ZFYVE28: variants seen among roughly 807,000 people sequenced by gnomAD.
The protein encoded by ZFYVE28 is zinc finger FYVE-type containing 28, also known as lateral signaling target protein 2 homolog.
Under a neutral mutation model 82.1 loss-of-function variants are expected in ZFYVE28, and 40 were observed. That is an observed-to-expected ratio of 0.49 (90% CI 0.38 to 0.63). The LOEUF (loss-of-function observed/expected upper bound fraction) is 0.63. ZFYVE28 is among the 30% of genes least tolerant of loss of function. ZFYVE28 has a pLI of 0.00. For missense variants in ZFYVE28, 1,321 were observed against 1,242.1 expected (o/e 1.06, Z -0.96); for synonymous variants, 612 against 546.1 (o/e 1.12, Z -1.68).
chr4:2,312,594 G>T (rs1717621080), intron 7 of ZFYVE28, among the ~76,000 whole-genome samples: 1 of 151,888 alleles, frequency 6.6e-6, no homozygotes, highest in Non-Finnish European at 1.5e-5. Context: ...CGGGTGTGGT[G>T]GCGGGCGCCT....
rs79428911 is a variant in ZFYVE28 at position 2,313,064 on chromosome 4, A to T, written c.803+7106T>A. On this transcript the variant is annotated intron_variant, in intron 7 of 12. Coordinates refer to ENST00000290974, the MANE Select transcript of ZFYVE28 (RefSeq NM_020972.3). The stretch of plus-strand genomic sequence containing the variant: ...CTGTCTCAAATAAATAAATAAATAG[A>T]AGTGTTTTGCCTAATTTATCATGTA... 2.6e-3 allele frequency among the ~76,000 whole-genome samples: 401 copies of T among 151,468 alleles called. 18 individuals carry two copies. In the East Asian group the frequency reaches 0.062, roughly 23 times the overall value.
intron 3 of ZFYVE28, among the ~76,000 whole-genome samples, chr4:2,340,283 A>G (rs1722585201): frequency 6.6e-6 from 1 of 152,028 alleles, no homozygotes; most frequent in South Asian, 2.1e-4. Flanking sequence ...GCACCCACAA[A>G]TCCACCCATG....
intron 7 of ZFYVE28, among the ~76,000 whole-genome samples, chr4:2,312,391 AG>A (rs1717583999): frequency 6.6e-6 from 1 of 151,914 alleles, no homozygotes; most frequent in Non-Finnish European, 1.5e-5. Context: ...AGAAAAAAAA[AG>A]AAAAATTTCC....
intron 1 of ZFYVE28, among the ~76,000 whole-genome samples, chr4:2,378,636 T>C (rs1236031351): frequency 6.6e-6 from 1 of 152,212 alleles, no homozygotes; most frequent in Non-Finnish European, 1.5e-5. Flanking sequence ...GACTCCCGGC[T>C]GGGGCTGGTC....
intron 8 of ZFYVE28, among the ~76,000 whole-genome samples, chr4:2,279,748 T>C (rs1423228332): frequency 6.7e-6 from 1 of 148,890 alleles, no homozygotes; most frequent in African/African-American, 2.5e-5. Flanking sequence ...GCCACTGCAC[T>C]CCAGCCTGAC....
intron 8 of ZFYVE28, among the ~76,000 whole-genome samples, chr4:2,302,134 G>A (rs930753668): frequency 6.6e-6 from 1 of 152,224 alleles, no homozygotes; most frequent in Non-Finnish European, 1.5e-5. Context: ...CACCAAATAC[G>A]GGGATGGGGG....
At chr4:2,383,980 T>C (rs1300950459) in intron 1 of ZFYVE28, among the ~76,000 whole-genome samples, 2 of 152,210 alleles carry the variant, frequency 1.3e-5, no homozygotes, top group Non-Finnish European at 2.9e-5. Context: ...TGACCTAAGA[T>C]GTCCCCATCA....
chr4:2,365,612 C>T (rs1420901656), intron 1 of ZFYVE28, among the ~76,000 whole-genome samples: 4 of 152,122 alleles, frequency 2.6e-5, no homozygotes, highest in Non-Finnish European at 5.9e-5. Flanking sequence ...GGGGCAAAGG[C>T]TCCCGCTCCG....
intron 8 of ZFYVE28, chr4:2,286,479 C>A (rs555959363): frequency 6.6e-6 from 1 of 152,438 alleles, no homozygotes; most frequent in East Asian, 1.9e-4. Flanking sequence ...ATGAAATAAA[C>A]GTCAGCCGCT....
Position 2,417,915 on chromosome 4 carries a change from C to T in ZFYVE28, c.39+370G>A, listed in dbSNP as rs1733277459. 6.6e-6 allele frequency among the ~76,000 whole-genome samples: 1 copy of T among 151,758 alleles called. No homozygotes were observed. Among genetic ancestry groups the T allele is most frequent in the South Asian group, 2.1e-4 (1 of 4,788 alleles). ...AGACGGAGAAGTAGTAGGGGGTCTG[C>T]TCCGGGCCCGCGGGCTGGGGACCAC... is the stretch of plus-strand genomic sequence containing the variant. On this transcript the variant is annotated intron_variant, in intron 1 of 12. Transcript: ENST00000290974. The surrounding 1 kb of genome is among the most constrained non-coding windows in gnomAD (Gnocchi z 4.8).
intron 8 of ZFYVE28, among the ~76,000 whole-genome samples, chr4:2,299,885 C>T (rs61789416): frequency 2.0e-5 from 3 of 151,772 alleles, no homozygotes; most frequent in African/African-American, 7.3e-5. Context: ...CAGTCTCCAC[C>T]TTCTGGGCTC....
chr4:2,386,336 T>A (rs1363117065), intron 1 of ZFYVE28, among the ~76,000 whole-genome samples: 1 of 152,030 alleles, frequency 6.6e-6, no homozygotes, highest in African/African-American at 2.4e-5. Flanking sequence ...AATACAAAAT[T>A]TAGCTGGGTG....
At chr4:2,331,996 C>A (rs549611497) in intron 6 of ZFYVE28, among the ~76,000 whole-genome samples, 4 of 152,356 alleles carry the variant, frequency 2.6e-5, no homozygotes, top group African/African-American at 7.2e-5. Context: ...TGACCCCCAG[C>A]GGTGCCTTCG....
At chr4:2,296,933 G>A (rs1031397901) in intron 8 of ZFYVE28, among the ~76,000 whole-genome samples, 3 of 152,174 alleles carry the variant, frequency 2.0e-5, no homozygotes, top group East Asian at 1.9e-4. Flanking sequence ...CACTAGGGCC[G>A]GGCCACTGAA....
At chr4:2,334,840 T>TCTTCCCCCTCCC (rs1721388993) in intron 6 of ZFYVE28, among the ~76,000 whole-genome samples, 1 of 11,996 alleles carries the variant, frequency 8.3e-5, no homozygotes, top group Non-Finnish European at 1.5e-4. Context: ...CCCCCTCCCC[T>TCTTCCCCCTCCC]CTTCCCCCTC....
chr4:2,308,192 T>G (rs150127863), intron 7 of ZFYVE28, among the ~76,000 whole-genome samples: 4 of 152,016 alleles, frequency 2.6e-5, no homozygotes, highest in Non-Finnish European at 5.9e-5. Context: ...TAAACACAGC[T>G]CACCGTAGCC....
In ZFYVE28 at chr4:2,372,994, T is replaced by C. The variant is rs935262383; in HGVS notation, c.40-18921A>G. ...TCTGGGCAGACACTCGGGGTACCCTTACCCTATGCCTGAGCCAGCCTCTAC... is the reference window on the plus strand; with the variant it reads ...TCTGGGCAGACACTCGGGGTACCCTCACCCTATGCCTGAGCCAGCCTCTAC... On this transcript the variant is annotated intron_variant, in intron 1 of 12. Transcript: ENST00000290974. This position sits in a 1 kb window ranked among gnomAD's most constrained non-coding sequence, Gnocchi z 5.2. Among the ~76,000 whole-genome samples, 2 of 152,004 alleles carry C rather than the reference T, an allele frequency of 1.3e-5. No homozygotes were observed. The highest frequency in any genetic ancestry group is 4.8e-5 in the African/African-American group (2 of 41,366).
At chr4:2,400,285 T>C (rs1242606931) in intron 1 of ZFYVE28, among the ~76,000 whole-genome samples, 1 of 152,204 alleles carries the variant, frequency 6.6e-6, no homozygotes, top group Non-Finnish European at 1.5e-5. Context: ...CTAAGTGCCA[T>C]CAATGACGCC....
rs933381037 is a variant in ZFYVE28, at chr4:2,379,643, C to T, written c.40-25570G>A. On this transcript the variant is annotated intron_variant, in intron 1 of 12. Transcript: ENST00000290974. ...CTGCCAACTCGAATTCACATTGCCA[C>T]CCCACCTCCCTCCTGTAATTTTATC... Among the ~76,000 whole-genome samples the T allele has an allele frequency of 3.9e-5, 6 of 152,182 alleles. No homozygotes were observed. In the South Asian group the frequency reaches 1.2e-3, roughly 32 times the overall value.
Sources: gnomAD v4.1 joint callset for allele counts (sites outside exome capture counted in the v4.1 genomes callset) on GRCh38, gnomAD v4.1.1 for gene constraint, Gnocchi (gnomAD v3.1) non-coding constraint, MANE v1.5 for transcripts, NCBI Gene and HGNC (gene_info 2026-07-23, HGNC 2026-07-21) for gene names.